Variants in MPHOSPH8 observed in about 807,000 individuals in gnomAD.
The protein encoded by MPHOSPH8 is M-phase phosphoprotein, mpp.
A neutral mutation model predicts 87.3 loss-of-function variants in MPHOSPH8; 45 were observed. The ratio of observed to expected loss-of-function variants is 0.52; its 90% CI spans 0.41 to 0.66. The LOEUF is 0.66. Among genes scored for constraint, MPHOSPH8 ranks in the 30% least tolerant of loss-of-function variants. MPHOSPH8 has a pLI of 0.00. For missense variants in MPHOSPH8, 883 were observed against 1,020.2 expected (o/e 0.87, Z 1.83); for synonymous variants, 366 against 376.9 (o/e 0.97, Z 0.33).
intron 2 of MPHOSPH8, among the ~76,000 whole-genome samples, chr13:19,642,811 T>A (rs942740012): frequency 7.2e-5 from 11 of 152,346 alleles, no homozygotes; most frequent in Non-Finnish European, 1.5e-5. Context: ...CTATGTTTTT[T>A]AAAATACCTA....
intron 2 of MPHOSPH8, among the ~76,000 whole-genome samples, chr13:19,642,871 GT>G (rs1452223888): frequency 6.6e-6 from 1 of 152,146 alleles, no homozygotes; most frequent in East Asian, 1.9e-4. Context: ...GTGTGTAGTA[GT>G]TGTTAATAAT....
At chr13:19,652,223 A>G (rs4769037) in intron 5 of MPHOSPH8, among the ~76,000 whole-genome samples, 98,420 of 152,112 alleles carry the variant, frequency 0.65, 35,373 homozygotes, top group East Asian at 0.89. Context: ...TTTCCAACTG[A>G]GGTACCCGGT....
intron 7 of MPHOSPH8, 120 bp downstream of exon 7, chr13:19,659,409 A>G: frequency 1.2e-6 from 1 of 804,110 alleles, no homozygotes. Flanking sequence ...CACACCTGTA[A>G]TCCCAGCACT....
chr13:19,638,099 TCA>T (rs921715441), intron 1 of MPHOSPH8, among the ~76,000 whole-genome samples: 21 of 135,648 alleles, frequency 1.5e-4, no homozygotes, highest in African/African-American at 5.5e-4. Context: ...AGACTCCATC[TCA>T]AAAAAAAAAA....
intron 7 of MPHOSPH8, 141 bp downstream of exon 7, chr13:19,659,430 G>A (rs754678026): frequency 1.8e-5 from 12 of 679,860 alleles, no homozygotes; most frequent in East Asian, 1.4e-4. Context: ...TTGGGAGGCC[G>A]AGGCAGGAGG....
At chr13:19,656,240 C>T (rs765776707) in intron 5 of MPHOSPH8, among the ~76,000 whole-genome samples, 1 of 135,606 alleles carries the variant, frequency 7.4e-6, no homozygotes, top group Non-Finnish European at 1.5e-5. Flanking sequence ...AATCGTGCCA[C>T]TGCACTTCAG....
At chr13:19,671,410 C>A (rs1253401595) in intron 13 of MPHOSPH8, 121 bp downstream of exon 13, 9 of 796,256 alleles carry the variant, frequency 1.1e-5, no homozygotes, top group Non-Finnish European at 1.2e-5. Flanking sequence ...CAGGCACTCC[C>A]TGGGGTAGTG....
chr13:19,650,303 C>T (rs758788317), intron 5 of MPHOSPH8, 43 bp downstream of exon 5: 1 of 1,584,572 alleles, frequency 6.3e-7, no homozygotes, highest in Non-Finnish European at 8.6e-7. Context: ...AGGTAGTGCA[C>T]CATATTATTT....
At position 19,642,177 on chromosome 13, in the gene MPHOSPH8, C is replaced by T. The variant is rs774984319; in HGVS notation, c.276C>T (p.Pro92=). 29 of 1,611,584 alleles carry T rather than the reference C, an allele frequency of 1.8e-5. No individual in the cohort carries two copies. The highest frequency in any genetic ancestry group is 1.7e-4 in the Middle Eastern group (1 of 6,036). Residue 92 remains proline, a synonymous_variant, in exon 2 of 14, where the codon CCC becomes CCT. Coordinates refer to ENST00000361479, the MANE Select transcript of MPHOSPH8 (RefSeq NM_017520.4). ...GYTSDDDTWE[P]EIHLEDCKEV... is the part of the protein sequence containing the mutation. ...CATCGGATGATGATACCTGGGAGCC[C>T]GAGATTCACCTGGAGGACTGTAAAG...
In MPHOSPH8 at chr13:19,649,987, T is replaced by C. The variant is rs769189245; in HGVS notation, c.1319-16T>C. On this transcript the variant is annotated splice_polypyrimidine_tract_variant and intron_variant, in intron 4 of 13. Coordinates refer to ENST00000361479, the MANE Select transcript of MPHOSPH8 (RefSeq NM_017520.4). Reference sequence around the variant, plus strand: ...TGTGACTCATACTTAACCATCTATTTTAATTTTTTCGTTAGCACTTAAGGA... The same window carrying C: ...TGTGACTCATACTTAACCATCTATTCTAATTTTTTCGTTAGCACTTAAGGA... 1 of 1,540,510 alleles carries C rather than the reference T, an allele frequency of 6.5e-7. No homozygotes were observed. Among genetic ancestry groups the C allele is most frequent in the Admixed American group, 2.0e-5 (1 of 49,150 alleles).
In MPHOSPH8 at chr13:19,671,914, A is replaced by C. The variant is rs1370462649; in HGVS notation, c.*39A>C. On this transcript the variant is annotated 3_prime_UTR_variant, in exon 14 of 14. Coordinates refer to ENST00000361479, the MANE Select transcript of MPHOSPH8 (RefSeq NM_017520.4). Reference sequence around the variant, plus strand: ...ACTGGGCGGAGTTCTCTTCAGACCGATTCCTATACTCTCTTTGACAGCAGT... The same window carrying C: ...ACTGGGCGGAGTTCTCTTCAGACCGCTTCCTATACTCTCTTTGACAGCAGT... 3.8e-6 allele frequency: 6 copies of C among 1,598,410 alleles called. No individual in the cohort carries two copies. In the South Asian group the frequency reaches 6.6e-5, roughly 18 times the overall value.
intron 5 of MPHOSPH8, among the ~76,000 whole-genome samples, chr13:19,655,400 C>T (rs537703824): frequency 7.9e-5 from 12 of 152,182 alleles, no homozygotes; most frequent in African/African-American, 4.8e-5. Flanking sequence ...CCCGGAAGTT[C>T]GAGGATGCAG....
rs1467779201 is a variant in MPHOSPH8, at chr13:19,673,089, T to G, written c.*1214T>G. On this transcript the variant is annotated 3_prime_UTR_variant, in exon 14 of 14. Transcript: ENST00000361479. The stretch of plus-strand genomic sequence containing the variant: ...AAAAAGTTTCTTGGAACCTATACGG[T>G]TTTTTTTTGTTTTTTTTTTTTGAAA... 9 of 329,706 alleles carry G rather than the reference T, an allele frequency of 2.7e-5. No homozygotes were observed. The highest frequency in any genetic ancestry group is 1.0e-4 in the African/African-American group (3 of 29,572). 20.4% of individuals were successfully genotyped at this position (329,706 alleles called of 1,614,324 possible).
Position 19,652,148 on chromosome 13 carries a change from G to A in MPHOSPH8, c.1576+1888G>A, listed in dbSNP as rs529901925. Among the ~76,000 whole-genome samples the A allele has an allele frequency of 9.9e-5, 15 of 152,248 alleles. No individual in the cohort carries two copies. The South Asian group carries it at 1.0e-3, about 11-fold the overall frequency. ...ATACGGGATTGCTGGCAAGATGGCC[G>A]AATAGGAACAGCTCCGTTCCGCAAT... is the stretch of plus-strand genomic sequence containing the variant. On this transcript the variant is annotated intron_variant, in intron 5 of 13. Transcript: ENST00000361479.
At chr13:19,638,716 A>G in intron 1 of MPHOSPH8, among the ~76,000 whole-genome samples, 1 of 150,744 alleles carries the variant, frequency 6.6e-6, no homozygotes, top group African/African-American at 2.4e-5. Context: ...TAACTGAATG[A>G]TTGAAGGGCA....
At chr13:19,644,546 T>C (rs1431499087) in intron 2 of MPHOSPH8, among the ~76,000 whole-genome samples, 2 of 152,222 alleles carry the variant, frequency 1.3e-5, no homozygotes, top group African/African-American at 4.8e-5. Context: ...TCATTTTTGG[T>C]TATCTGAAGT....
intron 2 of MPHOSPH8, among the ~76,000 whole-genome samples, chr13:19,646,005 C>T (rs1458610726): frequency 6.6e-6 from 1 of 151,982 alleles, no homozygotes; most frequent in Non-Finnish European, 1.5e-5. Context: ...AACTGTCAAA[C>T]GTAGGAGCAA....
rs1225814470 is a variant in MPHOSPH8, at chr13:19,659,194, A to G, written c.1703-7A>G. ...TAAAATCTAACTTATTTTTTCTTTC[A>G]TTTTAGATGTGTTAAGGGATGCTGT... On this transcript the variant is annotated splice_polypyrimidine_tract_variant and splice_region_variant and intron_variant, in intron 6 of 13. Coordinates refer to ENST00000361479, the MANE Select transcript of MPHOSPH8 (RefSeq NM_017520.4). The G allele has an allele frequency of 3.1e-6, 5 of 1,608,380 alleles. No homozygotes were observed. Among genetic ancestry groups the G allele is most frequent in the Non-Finnish European group, 4.2e-6 (5 of 1,178,332 alleles).
chr13:19,635,774 T>G (rs1873974891), intron 1 of MPHOSPH8, among the ~76,000 whole-genome samples: 2 of 152,158 alleles, frequency 1.3e-5, no homozygotes, highest in African/African-American at 4.8e-5. Flanking sequence ...TTTATATGAT[T>G]AAAGATGATA....
Sources: gnomAD v4.1 joint callset for allele counts (sites outside exome capture counted in the v4.1 genomes callset) on GRCh38, gnomAD v4.1.1 for gene constraint, MANE v1.5 for transcripts, NCBI Gene and HGNC (gene_info 2026-07-23, HGNC 2026-07-21) for gene names.